The following SP3 variants were observed in gnomAD, a reference collection of about 807,000 sequenced individuals.
The protein encoded by SP3 is transcription factor Sp3.
A neutral mutation model predicts 70.3 loss-of-function variants in SP3; 10 were observed. That is an observed-to-expected ratio of 0.14 (90% confidence interval 0.09 to 0.24). SP3 has a LOEUF of 0.24. SP3 is among the 10% of genes least tolerant of loss of function. The pLI, the probability that SP3 is intolerant of heterozygous loss-of-function variation, is 1.00. For synonymous variants in SP3, 402 were observed against 333.5 expected, an observed-to-expected ratio of 1.21 and a Z score of -2.24; for missense variants, 825 against 914.6, an observed-to-expected ratio of 0.90 and a Z score of 1.26.
At chr2:173,965,579 G>T (rs1337755332), upstream of SP3, 1 of 217,030 alleles carries the variant, frequency 4.6e-6, no homozygotes, top group African/African-American at 2.4e-5. Flanking sequence ...TTACCCCGCT[G>T]TGCCCGCCTC....
chr2:173,965,129 G>GGCAGCA (rs775642654), intron 1 of SP3, 36 bp downstream of exon 1: 2 of 1,546,658 alleles, frequency 1.3e-6, no homozygotes, highest in Non-Finnish European at 1.7e-6. Flanking sequence ...CGGCGGCGGC[G>GGCAGCA]GCAGCAGCAA....
At position 173,906,360 on chromosome 2, in the gene SP3, G is replaced by C. The variant is rs1001701663; in HGVS notation, c.*3581C>G. 1.3e-5 allele frequency: 2 copies of C among 152,054 alleles called. No homozygotes were observed. The highest frequency in any genetic ancestry group is 1.3e-4 in the Admixed American group (2 of 15,270). The allele number at this position is 152,054 out of a possible 1,614,324, so 9.4% of individuals were successfully genotyped here. On this transcript the variant is annotated 3_prime_UTR_variant, in exon 7 of 7. Transcript: ENST00000310015. The stretch of plus-strand genomic sequence containing the variant: ...CTTCAACACTAAATAAAATTATGAG[G>C]TGATTTCACAAAAATATCAAATTTG...
chr2:173,958,907 AG>A (rs1233794505), intron 3 of SP3, among the ~76,000 whole-genome samples: 3 of 152,166 alleles, frequency 2.0e-5, no homozygotes, highest in African/African-American at 7.2e-5. Flanking sequence ...AAGAATCAGA[AG>A]AAAAATATTA....
At chr2:173,965,628 T>G (rs1691272761), upstream of SP3, 1 of 207,126 alleles carries the variant, frequency 4.8e-6, no homozygotes, top group Non-Finnish European at 9.9e-6. Flanking sequence ...GGCGCAGGCC[T>G]CCTCCACCTT....
At chr2:173,956,509 TCTCTAA>T (rs1436497467) in intron 3 of SP3, among the ~76,000 whole-genome samples, 1 of 152,168 alleles carries the variant, frequency 6.6e-6, no homozygotes, top group Non-Finnish European at 1.5e-5. Context: ...GCATCTATGA[TCTCTAA>T]CACTACACAG....
chr2:173,964,495 G>A lies in SP3; in HGVS notation c.66C>T (p.Gly22=), dbSNP rs1377196348. 2 of 617,646 alleles carry A rather than the reference G, an allele frequency of 3.2e-6. No homozygotes were observed. Among genetic ancestry groups the A allele is most frequent in the Admixed American group, 2.2e-5 (1 of 46,502 alleles). The allele number at this position is 617,646 out of a possible 1,614,324, so 38.3% of individuals were successfully genotyped here. A position where few individuals can be genotyped will look rare whatever the true frequency, so the allele number is the denominator to read the frequency against. ...CGTGGCCGCCGCCGCCGCCACCGCC[G>A]CCGCCGCTATCCACGTCCAAGGCAG... is the stretch of plus-strand genomic sequence containing the variant. ...EMAALDVDSG[G]GGGGGGGHGE... The change falls in exon 2 of 7, where the codon GGC becomes GGT. Residue 22 remains glycine, a synonymous_variant. Transcript: ENST00000310015.
intron 4 of SP3, among the ~76,000 whole-genome samples, chr2:173,952,241 T>C (rs945157724): frequency 6.6e-6 from 1 of 152,098 alleles, no homozygotes; most frequent in African/African-American, 2.4e-5. Context: ...ACTGCATAAC[T>C]GAGGGAAAAA....
chr2:173,955,972 A>G lies in SP3; in HGVS notation c.540T>C (p.Asp180=). ...YQVIPQIQSA[D]GQQVQIGFTG... is the part of the protein sequence containing the mutation. ...TGAAACCAATTTGAACCTGCTGACC[A>G]TCTGCTGACTGGATCTGTGGTATCA... Residue 180 remains aspartate (D), a synonymous_variant, in exon 4 of 7, where the codon GAT becomes GAC. Transcript: ENST00000310015. 1.9e-6 allele frequency: 3 copies of G among 1,614,222 alleles called. No homozygotes were observed. The South Asian group carries it at 3.3e-5, about 18-fold the overall frequency.
At chr2:173,928,686 C>G (rs1473530367) in intron 4 of SP3, among the ~76,000 whole-genome samples, 1 of 152,138 alleles carries the variant, frequency 6.6e-6, no homozygotes, top group African/African-American at 2.4e-5. Context: ...TCATTGTTTT[C>G]TATTTTCCCG....
At chr2:173,920,613 A>C (rs941824209) in intron 4 of SP3, among the ~76,000 whole-genome samples, 4 of 151,716 alleles carry the variant, frequency 2.6e-5, no homozygotes, top group African/African-American at 9.7e-5. Context: ...TTATTTATTT[A>C]TTTATTTATT....
chr2:173,953,303 A>T (rs1331185584), intron 4 of SP3, among the ~76,000 whole-genome samples: 1 of 152,180 alleles, frequency 6.6e-6, no homozygotes, highest in Non-Finnish European at 1.5e-5. Context: ...AAGGCAAACA[A>T]TTTCTTAGTG....
At chr2:173,961,696 CTCTCA>C (rs952726151) in intron 3 of SP3, among the ~76,000 whole-genome samples, 1 of 152,166 alleles carries the variant, frequency 6.6e-6, no homozygotes, top group African/African-American at 2.4e-5. Context: ...CAGCTATAAC[CTCTCA>C]TAATTCCCAG....
intron 4 of SP3, among the ~76,000 whole-genome samples, chr2:173,935,048 A>G (rs1194725489): frequency 1.3e-5 from 2 of 152,324 alleles, no homozygotes; most frequent in Non-Finnish European, 2.9e-5. Context: ...GGTATCAGAT[A>G]CCAGCAATTA....
At chr2:173,958,260 C>T (rs1260040090) in intron 3 of SP3, among the ~76,000 whole-genome samples, 1 of 140,684 alleles carries the variant, frequency 7.1e-6, no homozygotes, top group African/African-American at 2.7e-5. Context: ...AAATTTACAG[C>T]ACCTAAAGTG....
At chr2:173,959,738 G>A (rs112845591) in intron 3 of SP3, among the ~76,000 whole-genome samples, 2 of 151,996 alleles carry the variant, frequency 1.3e-5, no homozygotes. Flanking sequence ...TGAGTGACAG[G>A]GCGAGACTCA....
At chr2:173,925,205 CTAT>C (rs1559094832) in intron 4 of SP3, among the ~76,000 whole-genome samples, 1 of 152,184 alleles carries the variant, frequency 6.6e-6, no homozygotes, top group Non-Finnish European at 1.5e-5. Flanking sequence ...GCCACATATG[CTAT>C]TATATGTGAA....
rs1180355786 is a variant in SP3, at chr2:173,912,985, G to T, written c.2029+85C>A. On this transcript the variant is annotated intron_variant, in intron 6 of 6. Transcript: ENST00000310015. Reference sequence around the variant, plus strand: ...TTGTATTTTAAATCGATTCAGTTCAGTAAGGAATGCTAATAAAAAAGAAGT... The same window carrying T: ...TTGTATTTTAAATCGATTCAGTTCATTAAGGAATGCTAATAAAAAAGAAGT... 5 of 999,196 alleles carry T rather than the reference G, an allele frequency of 5.0e-6. No individual in the cohort carries two copies. The South Asian group carries it at 7.4e-5, about 15-fold the overall frequency. 61.9% of individuals were successfully genotyped at this position (999,196 alleles called of 1,614,324 possible).
chr2:173,907,746 AAAAATTCT>A lies in SP3; in HGVS notation c.*2187_*2194del, dbSNP rs1337489089. The A allele has an allele frequency of 6.6e-6, 1 of 152,188 alleles. No homozygotes were observed. 9.4% of individuals were successfully genotyped at this position (152,188 alleles called of 1,614,324 possible). A position where few individuals can be genotyped will look rare whatever the true frequency, so the allele number is the denominator to read the frequency against. Reference sequence around the variant, plus strand: ...ATTCTCTTCACATTAATCTTAATTTAAAAATTCTAAAAATTACCTAAAGGATTTTAAGA... The same window carrying A: ...ATTCTCTTCACATTAATCTTAATTTAAAAAATTACCTAAAGGATTTTAAGA... On this transcript the variant is annotated 3_prime_UTR_variant, in exon 7 of 7. Transcript: ENST00000310015.
chr2:173,910,074 G>C lies in SP3; in HGVS notation c.2213C>G (p.Ala738Gly). The C allele has an allele frequency of 6.2e-7, 1 of 1,612,964 alleles. No homozygotes were observed. The change falls in exon 7 of 7, where the codon GCA becomes GGA. Residue 738 changes from alanine to glycine, a missense_variant. Physicochemically the swap from Ala to Gly is moderately conservative, Grantham distance 60 (BLOSUM62 0). Coordinates refer to ENST00000310015, the MANE Select transcript of SP3 (RefSeq NM_003111.5). Reference sequence around the variant, plus strand: ...TGAAACAGAACCTTGTTGAATATTTGCAAGGATAAGCGTTGTTCCTCCTGC... The same window carrying C: ...TGAAACAGAACCTTGTTGAATATTTCCAAGGATAAGCGTTGTTCCTCCTGC... ...ITAGGTTLILANIQQGSVSGI... is the reference protein window; with the variant it reads ...ITAGGTTLILGNIQQGSVSGI...
Sources: allele counts gnomAD v4.1 joint callset (sites outside exome capture counted in the v4.1 genomes callset), GRCh38; gene constraint gnomAD v4.1.1; transcripts MANE v1.5; gene names NCBI Gene and HGNC (gene_info 2026-07-23, HGNC 2026-07-21).